Variants in XKR9 observed in about 807,000 individuals in gnomAD.
The protein encoded by XKR9 is XK related 9.
XKR9 carries 32 observed loss-of-function variants against 32.0 expected under a neutral mutation model. That is an observed-to-expected ratio of 1.00 (90% CI 0.76 to 1.34). The LOEUF (loss-of-function observed/expected upper bound fraction) is 1.34. Among genes scored for constraint, XKR9 ranks in the 40% most tolerant of loss-of-function variants. XKR9 has a pLI of 0.00. For missense variants in XKR9, 546 were observed against 429.7 expected (o/e 1.27, Z -2.39); for synonymous variants, 168 against 143.4 (o/e 1.17, Z -1.22).
the XKR9 span, among the ~76,000 whole-genome samples, chr8:70,927,747 G>A: frequency 1.3e-5 from 2 of 152,158 alleles, no homozygotes; most frequent in African/African-American, 4.8e-5. Context: ...GTTTCAACAT[G>A]AATTTTGGAG....
chr8:70,914,192 C>T, the XKR9 span, among the ~76,000 whole-genome samples: 3 of 152,246 alleles, frequency 2.0e-5, no homozygotes, highest in African/African-American at 7.2e-5. Flanking sequence ...AGCCTCCTAA[C>T]GTGTTGGGAT....
chr8:70,878,684 A>T, the XKR9 span, among the ~76,000 whole-genome samples: 26 of 152,338 alleles, frequency 1.7e-4, no homozygotes, highest in Admixed American at 5.9e-4. Flanking sequence ...AAAGAGGCTT[A>T]GACTCCCACA....
At chr8:70,880,805 T>C in the XKR9 span, among the ~76,000 whole-genome samples, 1 of 152,028 alleles carries the variant, frequency 6.6e-6, no homozygotes, top group Non-Finnish European at 1.5e-5. Flanking sequence ...AAAGAGCCCG[T>C]ATAACCAAGA....
chr8:70,770,652 CT>C (rs1242194522), intron 2 of XKR9, among the ~76,000 whole-genome samples: 1 of 152,208 alleles, frequency 6.6e-6, no homozygotes, highest in Non-Finnish European at 1.5e-5. Context: ...GCTACAGGAG[CT>C]TTGCTGCACT....
the XKR9 span, among the ~76,000 whole-genome samples, chr8:70,864,342 A>C: frequency 4.0e-3 from 605 of 152,284 alleles, 2 homozygotes; most frequent in Non-Finnish European, 6.8e-3. Flanking sequence ...TAGCCTTTTC[A>C]CCCTGTCTTT....
intron 3 of XKR9, among the ~76,000 whole-genome samples, chr8:70,693,713 C>A (rs1002323146): frequency 1.3e-5 from 2 of 152,152 alleles, no homozygotes; most frequent in Admixed American, 6.5e-5. Context: ...TGCTGTGGGT[C>A]CAAGCCAGGG....
chr8:71,058,136 G>A, the XKR9 span, among the ~76,000 whole-genome samples: 1 of 151,864 alleles, frequency 6.6e-6, no homozygotes, highest in Non-Finnish European at 1.5e-5. Flanking sequence ...AGCCGAGATC[G>A]CGCCACTGCA....
chr8:70,800,028 A>G, the XKR9 span, among the ~76,000 whole-genome samples: 1 of 152,164 alleles, frequency 6.6e-6, no homozygotes, highest in Non-Finnish European at 1.5e-5. Flanking sequence ...ATTTTAAGGT[A>G]TGTTCCCTCA....
the XKR9 span, among the ~76,000 whole-genome samples, chr8:70,958,595 A>C: frequency 1.3e-5 from 2 of 152,066 alleles, no homozygotes; most frequent in African/African-American, 4.8e-5. Context: ...TGGATATTCG[A>C]CCTTTGTCAA....
chr8:70,733,956 G>C lies in XKR9; in HGVS notation c.654G>C (p.Leu218=). The C allele has an allele frequency of 6.2e-7, 1 of 1,612,726 alleles. No homozygotes were observed. ...TGTTTACATTATTATCGTGGATGCT[G>C]AGTGTTGTACTTCTACTATTCTTAA... ...YKLFTLLSWM[L]SVVLLLFLNV... is the part of the protein sequence containing the mutation. The change falls in exon 5 of 5, where the codon CTG becomes CTC. Residue 218 remains leucine (L), a synonymous_variant. Transcript: ENST00000408926.
the XKR9 span, among the ~76,000 whole-genome samples, chr8:70,890,698 G>T: frequency 6.6e-6 from 1 of 151,842 alleles, no homozygotes; most frequent in African/African-American, 2.4e-5. Flanking sequence ...CACCAAATTT[G>T]GTTTGCTAGT....
the XKR9 span, among the ~76,000 whole-genome samples, chr8:70,969,378 A>C: frequency 1.3e-5 from 2 of 152,120 alleles, no homozygotes; most frequent in Non-Finnish European, 2.9e-5. Context: ...GATCAAAATG[A>C]TTTTCTTTTT....
chr8:70,964,860 C>A, the XKR9 span, among the ~76,000 whole-genome samples: 1 of 152,052 alleles, frequency 6.6e-6, no homozygotes, highest in South Asian at 2.1e-4. Flanking sequence ...TGAGATGCTG[C>A]AGTTTTCCAG....
chr8:70,914,953 T>A, the XKR9 span, among the ~76,000 whole-genome samples: 1 of 152,104 alleles, frequency 6.6e-6, no homozygotes. Context: ...ATAACTGGAG[T>A]TATTATTCAA....
intron 2 of XKR9, among the ~76,000 whole-genome samples, chr8:70,774,150 T>C (rs1254575527): frequency 6.6e-6 from 1 of 152,170 alleles, no homozygotes; most frequent in African/African-American, 2.4e-5. Flanking sequence ...GTGTCTGTCA[T>C]ATACACTTAG....
At chr8:70,754,019 T>C (rs576937064) in intron 2 of XKR9, among the ~76,000 whole-genome samples, 96 of 146,340 alleles carry the variant, frequency 6.6e-4, no homozygotes, top group African/African-American at 2.2e-3. Flanking sequence ...GAAAACCCCA[T>C]TGTCTCAGCC....
At chr8:70,951,870 G>GT in the XKR9 span, among the ~76,000 whole-genome samples, 6,260 of 103,880 alleles carry the variant, frequency 0.06, 189 homozygotes, top group South Asian at 0.16. Context: ...GCATCATTGG[G>GT]GGGGGGGTGG....
In XKR9 at chr8:70,680,977, G is replaced by T. The variant is rs1361806165; in HGVS notation, c.-82G>T. 2.3e-5 allele frequency: 30 copies of T among 1,327,032 alleles called. No homozygotes were observed. The highest frequency in any genetic ancestry group is 8.5e-5 in the South Asian group (6 of 70,550). The allele number at this position is 1,327,032 out of a possible 1,614,324, so 82.2% of individuals were successfully genotyped here. ...ATTAAAATTCAATGCTATACCAAAG[G>T]GTATACTAATATTTGTTTGGCTTTT... On this transcript the variant is annotated 5_prime_UTR_variant, in exon 3 of 5. Transcript: ENST00000408926.
At chr8:70,871,713 A>G in the XKR9 span, among the ~76,000 whole-genome samples, 1 of 152,166 alleles carries the variant, frequency 6.6e-6, no homozygotes, top group East Asian at 1.9e-4. Flanking sequence ...GCCACTTAAT[A>G]ACCATACAAT....
Sources: allele counts gnomAD v4.1 joint callset (sites outside exome capture counted in the v4.1 genomes callset), GRCh38; gene constraint gnomAD v4.1.1; transcripts MANE v1.5; gene names NCBI Gene and HGNC (gene_info 2026-07-23, HGNC 2026-07-21).